The following TMEM132D variants were observed in gnomAD, a reference collection of about 807,000 sequenced individuals.
The protein encoded by TMEM132D is mature OL transmembrane protein.
In TMEM132D, 21 loss-of-function variants were observed where a neutral mutation model predicts 62.3. The observed-to-expected ratio is 0.34, with a 90% CI of 0.24 to 0.49. The LOEUF (loss-of-function observed/expected upper bound fraction) is 0.49, where lower values mean the gene tolerates loss of function less well. Among genes scored for constraint, TMEM132D ranks in the 20% least tolerant of loss-of-function variants. The pLI is 0.99. For missense variants in TMEM132D, 1,346 were observed against 1,402.8 expected (o/e 0.96, Z 0.65); for synonymous variants, 621 against 575.6 (o/e 1.08, Z -1.13).
chr12:129,693,154 T>C (rs987494855), intron 2 of TMEM132D, among the ~76,000 whole-genome samples: 2 of 152,130 alleles, frequency 1.3e-5, no homozygotes, highest in African/African-American at 4.8e-5. Context: ...AGAAACTAGA[T>C]GCTTACTCAC....
chr12:129,714,469 TG>T (rs1868490258), intron 1 of TMEM132D, among the ~76,000 whole-genome samples: 1 of 151,628 alleles, frequency 6.6e-6, no homozygotes, highest in African/African-American at 2.4e-5. Context: ...ACAACACAGG[TG>T]GGAAAGTGGG....
intron 8 of TMEM132D, among the ~76,000 whole-genome samples, chr12:129,077,718 CAACAAAT>C (rs1874315427): frequency 6.6e-6 from 1 of 151,432 alleles, no homozygotes; most frequent in Non-Finnish European, 1.5e-5. Context: ...CACATACAAA[CAACAAAT>C]AGACACATGC....
chr12:129,869,372 C>T (rs1274105083), intron 1 of TMEM132D, among the ~76,000 whole-genome samples: 1 of 152,132 alleles, frequency 6.6e-6, no homozygotes, highest in African/African-American at 2.4e-5. Context: ...CCAAAATCCT[C>T]GGATGCTCAA....
intron 4 of TMEM132D, among the ~76,000 whole-genome samples, chr12:129,327,831 A>ATCAGAT (rs1868965331): frequency 6.6e-6 from 1 of 152,228 alleles, no homozygotes; most frequent in Non-Finnish European, 1.5e-5. Flanking sequence ...ATTAAAAAAT[A>ATCAGAT]AATCATGATC....
intron 5 of TMEM132D, among the ~76,000 whole-genome samples, chr12:129,109,341 T>C (rs1565966801): frequency 6.6e-6 from 1 of 152,226 alleles, no homozygotes; most frequent in Admixed American, 6.5e-5. Context: ...TGTGCCTTGG[T>C]TGTCTCCTCT....
At chr12:129,532,119 T>C (rs74992186) in intron 2 of TMEM132D, among the ~76,000 whole-genome samples, 26,518 of 152,122 alleles carry the variant, frequency 0.17, 2,475 homozygotes, top group Middle Eastern at 0.22. Context: ...TGATTTTGAT[T>C]TACAAGCTGG....
At chr12:129,797,222 G>T (rs1216453564) in intron 1 of TMEM132D, among the ~76,000 whole-genome samples, 1 of 152,050 alleles carries the variant, frequency 6.6e-6, no homozygotes, top group Non-Finnish European at 1.5e-5. Context: ...TTACTTTCAG[G>T]GTCTTTCACT....
intron 1 of TMEM132D, among the ~76,000 whole-genome samples, chr12:129,844,474 T>C (rs1873295943): frequency 6.6e-6 from 1 of 152,164 alleles, no homozygotes; most frequent in Non-Finnish European, 1.5e-5. Flanking sequence ...GTAATCCCAA[T>C]GTTTAGGGAG....
At chr12:129,600,312 T>A (rs1878452176) in intron 2 of TMEM132D, among the ~76,000 whole-genome samples, 1 of 152,210 alleles carries the variant, frequency 6.6e-6, no homozygotes, top group Non-Finnish European at 1.5e-5. Flanking sequence ...CTCTTGAGGC[T>A]CCACTTCTAA....
intron 5 of TMEM132D, among the ~76,000 whole-genome samples, chr12:129,118,662 T>C (rs1875967188): frequency 6.6e-6 from 1 of 152,186 alleles, no homozygotes; most frequent in South Asian, 2.1e-4. Context: ...GCTGTTTTGA[T>C]ATCAAAAAAA....
intron 3 of TMEM132D, among the ~76,000 whole-genome samples, chr12:129,524,251 A>G (rs1875944147): frequency 6.6e-6 from 1 of 152,072 alleles, no homozygotes; most frequent in Admixed American, 6.6e-5. Flanking sequence ...TAAAAAAATA[A>G]AAAGGTGAAA....
At chr12:129,452,479 C>G (rs1019195046) in intron 3 of TMEM132D, among the ~76,000 whole-genome samples, 1 of 152,158 alleles carries the variant, frequency 6.6e-6, no homozygotes, top group South Asian at 2.1e-4. Flanking sequence ...GGGGCTTCAT[C>G]CTTGTCACAC....
intron 1 of TMEM132D, among the ~76,000 whole-genome samples, chr12:129,768,719 G>A (rs1870635323): frequency 6.6e-6 from 1 of 152,170 alleles, no homozygotes; most frequent in South Asian, 2.1e-4. Context: ...CCTGTCAGCA[G>A]CTCTGCCGAT....
chr12:129,724,528 T>C (rs1868957846), intron 1 of TMEM132D, among the ~76,000 whole-genome samples: 1 of 152,186 alleles, frequency 6.6e-6, no homozygotes, highest in African/African-American at 2.4e-5. Flanking sequence ...TTTCTGTTTT[T>C]GTTTTTGTTT....
intron 4 of TMEM132D, among the ~76,000 whole-genome samples, chr12:129,291,378 T>C (rs1881442388): frequency 6.6e-6 from 1 of 152,210 alleles, no homozygotes; most frequent in Non-Finnish European, 1.5e-5. Flanking sequence ...GAGGAATTTA[T>C]CTTATCTATA....
At chr12:129,845,230 C>T (rs947578306) in intron 1 of TMEM132D, among the ~76,000 whole-genome samples, 1 of 152,074 alleles carries the variant, frequency 6.6e-6, no homozygotes, top group African/African-American at 2.4e-5. Context: ...GCTAATATCC[C>T]AGGGCTAACT....
chr12:129,758,876 C>G (rs1225446307), intron 1 of TMEM132D, among the ~76,000 whole-genome samples: 1 of 151,646 alleles, frequency 6.6e-6, no homozygotes, highest in South Asian at 2.1e-4. Context: ...GAGGTACAAA[C>G]TGAATCAATT....
intron 3 of TMEM132D, among the ~76,000 whole-genome samples, chr12:129,393,210 G>T (rs1348907342): frequency 6.6e-6 from 1 of 152,238 alleles, no homozygotes; most frequent in Non-Finnish European, 1.5e-5. Context: ...GAAGGCAAGG[G>T]CCATGTCTTC....
At chr12:129,826,702 G>A (rs577717650) in intron 1 of TMEM132D, among the ~76,000 whole-genome samples, 189 of 152,322 alleles carry the variant, frequency 1.2e-3, no homozygotes, top group African/African-American at 4.1e-3. Context: ...GATTGGACTG[G>A]ATTTTGTAGG....
Sources: allele counts gnomAD v4.1 joint callset (sites outside exome capture counted in the v4.1 genomes callset), GRCh38; gene constraint gnomAD v4.1.1; transcripts MANE v1.5; gene names NCBI Gene and HGNC (gene_info 2026-07-23, HGNC 2026-07-21).